Variants in ATXN1 observed in about 807,000 individuals in gnomAD.
The protein encoded by ATXN1 is ataxin 1.
ATXN1 carries 8 observed loss-of-function variants against 56.4 expected under a neutral mutation model. The observed-to-expected ratio is 0.14, with a 90% CI of 0.08 to 0.26. ATXN1 has a LOEUF of 0.26. Ranked by LOEUF, ATXN1 falls within the 10% of genes least tolerant of loss-of-function variation. The probability of loss-of-function intolerance (pLI) is 1.00; values close to 1 mark genes in which losing one functional copy is unlikely to be tolerated. For missense variants in ATXN1, 987 were observed against 1,106.5 expected (o/e 0.89, Z 1.53); for synonymous variants, 514 against 494.6 (o/e 1.04, Z -0.52).
At chr6:16,628,328 G>T (rs78742531) in intron 3 of ATXN1, among the ~76,000 whole-genome samples, 1 of 152,070 alleles carries the variant, frequency 6.6e-6, no homozygotes, top group Non-Finnish European at 1.5e-5. Flanking sequence ...GGATATCCAC[G>T]TGCCCTCATC....
intron 6 of ATXN1, chr6:16,432,870 A>G (rs1039368191): frequency 2.0e-5 from 3 of 152,160 alleles, no homozygotes; most frequent in Non-Finnish European, 2.9e-5. Context: ...CCAAGTTTCT[A>G]TGTATTTCAA....
At chr6:16,342,892 C>T (rs770922797) in intron 6 of ATXN1, among the ~76,000 whole-genome samples, 8 of 152,122 alleles carry the variant, frequency 5.3e-5, no homozygotes, top group Admixed American at 1.3e-4. Flanking sequence ...AGTTGTTTAA[C>T]GGTTCCAGAA....
intron 1 of ATXN1, among the ~76,000 whole-genome samples, chr6:16,759,136 A>G (rs947757981): frequency 6.6e-6 from 1 of 152,264 alleles, no homozygotes; most frequent in African/African-American, 2.4e-5. Context: ...GTGCCTAAAA[A>G]TAACCAAGTA....
chr6:16,386,557 T>C (rs1033709973), intron 6 of ATXN1, among the ~76,000 whole-genome samples: 5 of 152,198 alleles, frequency 3.3e-5, no homozygotes, highest in Admixed American at 3.3e-4. Context: ...GGATATCGTG[T>C]GCCTCTAGAA....
At chr6:16,419,493 C>G (rs545269604) in intron 6 of ATXN1, among the ~76,000 whole-genome samples, 1 of 151,808 alleles carries the variant, frequency 6.6e-6, no homozygotes, top group Admixed American at 6.6e-5. Context: ...ATTTAAAATG[C>G]CCAAATGGCT....
At chr6:16,693,225 A>C (rs1435181290) in intron 2 of ATXN1, among the ~76,000 whole-genome samples, 1 of 152,202 alleles carries the variant, frequency 6.6e-6, no homozygotes, top group East Asian at 1.9e-4. Flanking sequence ...ATCCTTTGAA[A>C]TACTAAAAAG....
At chr6:16,454,152 A>AAAAAAAAAAAAAAAAAAG (rs1759819283) in intron 6 of ATXN1, among the ~76,000 whole-genome samples, 1 of 150,582 alleles carries the variant, frequency 6.6e-6, no homozygotes, top group Non-Finnish European at 1.5e-5. Context: ...AAAAAAAAAA[A>AAAAAAAAAAAAAAAAAAG]AACAGAAGAA....
intron 3 of ATXN1, among the ~76,000 whole-genome samples, chr6:16,655,807 G>C (rs567766358): frequency 6.6e-6 from 1 of 151,510 alleles, no homozygotes; most frequent in Non-Finnish European, 1.5e-5. Context: ...TATTTACTGC[G>C]GGCCGGGTGC....
intron 3 of ATXN1, among the ~76,000 whole-genome samples, chr6:16,604,890 A>C (rs1423502509): frequency 1.3e-5 from 2 of 152,100 alleles, no homozygotes. Flanking sequence ...CCAGCTGACC[A>C]CCTGGATTTT....
At chr6:16,698,648 A>AT (rs1270988588) in intron 2 of ATXN1, among the ~76,000 whole-genome samples, 16 of 78,218 alleles carry the variant, frequency 2.0e-4, no homozygotes, top group Admixed American at 2.7e-4. Context: ...AACCTCAAAA[A>AT]TTAAAAAAAA....
chr6:16,555,341 T>A (rs952426042), intron 4 of ATXN1, among the ~76,000 whole-genome samples: 1 of 152,190 alleles, frequency 6.6e-6, no homozygotes, highest in Non-Finnish European at 1.5e-5. Flanking sequence ...AGCCGTGAAC[T>A]GTAGGCATTA....
Position 16,326,589 on chromosome 6 carries a change from G to A in ATXN1, c.1722C>T (p.Phe574=), listed in dbSNP as rs1205358825. 1 of 1,614,178 alleles carries A rather than the reference G, an allele frequency of 6.2e-7. No homozygotes were observed. The highest frequency in any genetic ancestry group is 2.2e-5 in the East Asian group (1 of 44,880). Residue 574 remains phenylalanine (F), a synonymous_variant, in exon 7 of 8, where the codon TTC becomes TTT. Transcript: ENST00000436367. This position sits in a 1 kb window ranked among gnomAD's most constrained non-coding sequence, Gnocchi z 6.6. ...CCAACTGGATGATGGAGCCTTTCAT[G>A]AAGTAGGGAGGCAGCGTAGGGGGAG... ...AAAPPTLPPY[F]MKGSIIQLAN...
intron 5 of ATXN1, among the ~76,000 whole-genome samples, chr6:16,520,901 G>A (rs190109262): frequency 5.3e-5 from 8 of 152,238 alleles, no homozygotes; most frequent in Non-Finnish European, 8.8e-5. Context: ...CACCAATTAC[G>A]TCTGTATGTA....
At chr6:16,484,103 T>A (rs547421697) in intron 6 of ATXN1, among the ~76,000 whole-genome samples, 5 of 152,206 alleles carry the variant, frequency 3.3e-5, no homozygotes, top group Admixed American at 1.3e-4. Context: ...CTTCCCCTTA[T>A]GAGGACCCTA....
At chr6:16,404,760 G>A (rs1461947760) in intron 6 of ATXN1, among the ~76,000 whole-genome samples, 2 of 151,948 alleles carry the variant, frequency 1.3e-5, no homozygotes, top group Non-Finnish European at 1.5e-5. Flanking sequence ...CCTGTGAAAT[G>A]TCACTGTTCC....
chr6:16,414,671 A>G (rs906094540), intron 6 of ATXN1, among the ~76,000 whole-genome samples: 2 of 152,238 alleles, frequency 1.3e-5, no homozygotes, highest in Non-Finnish European at 2.9e-5. Flanking sequence ...TAAACCCAGT[A>G]GAGCCTCTTC....
intron 1 of ATXN1, chr6:16,754,735 C>T (rs1760836208): frequency 6.6e-6 from 1 of 152,086 alleles, no homozygotes; most frequent in South Asian, 2.1e-4. Flanking sequence ...CCTTGGTTTC[C>T]CCACATGTGA....
intron 3 of ATXN1, among the ~76,000 whole-genome samples, chr6:16,591,680 C>T (rs879601331): frequency 3.5e-4 from 54 of 152,218 alleles, no homozygotes; most frequent in Admixed American, 1.9e-3. Flanking sequence ...AGACTATGAG[C>T]TCCTTAGGGG....
intron 6 of ATXN1, among the ~76,000 whole-genome samples, chr6:16,359,014 A>G (rs1334271664): frequency 6.6e-6 from 1 of 152,214 alleles, no homozygotes; most frequent in Non-Finnish European, 1.5e-5. Flanking sequence ...GCGTCTCTGC[A>G]GCCTGCACCC....
Sources: gnomAD v4.1 joint callset for allele counts (sites outside exome capture counted in the v4.1 genomes callset) on GRCh38, gnomAD v4.1.1 for gene constraint, Gnocchi (gnomAD v3.1) non-coding constraint, MANE v1.5 for transcripts, NCBI Gene and HGNC (gene_info 2026-07-23, HGNC 2026-07-21) for gene names.